Variants in IL1RAPL2 observed in about 807,000 individuals in gnomAD.
The protein encoded by IL1RAPL2 is interleukin 1 receptor accessory protein like 2.
A neutral mutation model predicts 44.1 loss-of-function variants in IL1RAPL2; 3 were observed. The ratio of observed to expected loss-of-function variants is 0.07; its 90% CI spans 0.03 to 0.18. IL1RAPL2 has a LOEUF of 0.18. Ranked by LOEUF, IL1RAPL2 falls within the 10% of genes least tolerant of loss-of-function variation. The probability of loss-of-function intolerance (pLI) is 1.00; values close to 1 mark genes in which losing one functional copy is unlikely to be tolerated. For missense variants in IL1RAPL2, 391 were observed against 496.4 expected (o/e 0.79, Z 2.02); for synonymous variants, 181 against 178.8 (o/e 1.01, Z -0.10).
rs200301679 is a variant in IL1RAPL2, at chrX:104,946,884, A to G, written c.83-248591A>G. 9.7e-4 allele frequency among the ~76,000 whole-genome samples: 92 copies of G among 94,849 alleles called. 3 individuals are homozygous for G. The East Asian group carries it at 0.016, about 16-fold the overall frequency. The allele number at this position is 94,849 out of a possible 115,157, so 82.4% of individuals were successfully genotyped here. The stretch of plus-strand genomic sequence containing the variant: ...AATGCCGCAATAAACATACGTGTGC[A>G]TGTGTCTTTATAGCAGCATGATTTA... On this transcript the variant is annotated intron_variant, in intron 2 of 10. Coordinates refer to ENST00000372582, the MANE Select transcript of IL1RAPL2 (RefSeq NM_017416.2).
At chrX:104,692,388 A>G (rs1931105520) in intron 2 of IL1RAPL2, among the ~76,000 whole-genome samples, 1 of 110,245 alleles carries the variant, frequency 9.1e-6, no homozygotes, top group Non-Finnish European at 1.9e-5. Flanking sequence ...TTTAGGGTAC[A>G]TGTGCACAAC....
chrX:105,448,053 T>C (rs1433298448), intron 5 of IL1RAPL2, among the ~76,000 whole-genome samples: 2 of 106,609 alleles, frequency 1.9e-5, no homozygotes, highest in Non-Finnish European at 3.8e-5. Context: ...ACTTTAAATA[T>C]GTCATTTCAA....
chrX:105,760,591 T>G (rs1252085157), intron 10 of IL1RAPL2, among the ~76,000 whole-genome samples: 1 of 112,236 alleles, frequency 8.9e-6, no homozygotes, highest in Non-Finnish European at 1.9e-5. Flanking sequence ...ACCGTCATGC[T>G]TCCCCACTCA....
chrX:104,830,649 A>G (rs1450090422), intron 2 of IL1RAPL2, among the ~76,000 whole-genome samples: 1 of 111,789 alleles, frequency 8.9e-6, no homozygotes, highest in East Asian at 2.8e-4. Context: ...AGAGTCAGAA[A>G]GAGTTCATAT....
chrX:104,579,156 G>A (rs1045552521), intron 1 of IL1RAPL2, among the ~76,000 whole-genome samples: 3 of 111,668 alleles, frequency 2.7e-5, no homozygotes, highest in African/African-American at 9.8e-5. Context: ...ATAGAATTAT[G>A]TATAAAGATA....
intron 2 of IL1RAPL2, among the ~76,000 whole-genome samples, chrX:104,827,487 G>A (rs764267368): frequency 9.0e-6 from 1 of 111,643 alleles, no homozygotes; most frequent in Admixed American, 9.5e-5. Context: ...TTTCCACAGA[G>A]AGATCCACTG....
At chrX:104,570,100 T>A (rs1222949085) in intron 1 of IL1RAPL2, among the ~76,000 whole-genome samples, 1 of 111,435 alleles carries the variant, frequency 9.0e-6, no homozygotes, top group Non-Finnish European at 1.9e-5. Flanking sequence ...AAGTTTGAGG[T>A]CTTCACTAAT....
chrX:104,611,665 G>A (rs1212640355), intron 1 of IL1RAPL2, among the ~76,000 whole-genome samples: 3 of 108,508 alleles, frequency 2.8e-5, no homozygotes, highest in South Asian at 4.1e-4. Flanking sequence ...GTGAAACCCC[G>A]TCTCTACTAA....
chrX:104,573,498 G>T (rs1452678947), intron 1 of IL1RAPL2, among the ~76,000 whole-genome samples: 3 of 111,890 alleles, frequency 2.7e-5, no homozygotes, highest in Non-Finnish European at 3.8e-5. Context: ...CGTTCACAAA[G>T]GTGACTGCTT....
chrX:105,632,429 T>A (rs1413956650), intron 6 of IL1RAPL2, among the ~76,000 whole-genome samples: 3 of 111,543 alleles, frequency 2.7e-5, no homozygotes, highest in Non-Finnish European at 5.7e-5. Context: ...TTTTTAAATG[T>A]TCCTCTTCTA....
intron 2 of IL1RAPL2, among the ~76,000 whole-genome samples, chrX:104,832,770 C>T (rs769890069): frequency 9.0e-6 from 1 of 111,260 alleles, no homozygotes; most frequent in African/African-American, 3.3e-5. Flanking sequence ...AATGCATTTT[C>T]TTATTACCTC....
At chrX:104,938,407 C>T (rs1483187215) in intron 2 of IL1RAPL2, among the ~76,000 whole-genome samples, 1 of 111,488 alleles carries the variant, frequency 9.0e-6, no homozygotes, top group Non-Finnish European at 1.9e-5. Flanking sequence ...ATTCTAATAG[C>T]AATTAGAGTT....
intron 6 of IL1RAPL2, among the ~76,000 whole-genome samples, chrX:105,534,373 T>A (rs956923869): frequency 7.2e-5 from 8 of 111,873 alleles, no homozygotes; most frequent in Admixed American, 2.9e-4. Context: ...ACTGTATATT[T>A]TAAAATAACT....
intron 5 of IL1RAPL2, among the ~76,000 whole-genome samples, chrX:105,392,559 C>T (rs1425950328): frequency 9.0e-6 from 1 of 111,341 alleles, no homozygotes; most frequent in Non-Finnish European, 1.9e-5. Context: ...GTACAACATG[C>T]CATAGAGCTC....
intron 5 of IL1RAPL2, chrX:105,406,255 G>A: frequency 6.4e-6 from 7 of 1,090,725 alleles, no homozygotes; most frequent in Non-Finnish European, 8.9e-6. Flanking sequence ...AAAGTGTCTG[G>A]GGAAATAAGC....
intron 3 of IL1RAPL2, among the ~76,000 whole-genome samples, chrX:105,201,256 T>G (rs2033715451): frequency 8.9e-6 from 1 of 111,873 alleles, no homozygotes; most frequent in Non-Finnish European, 1.9e-5. Context: ...GTTGAATGAT[T>G]ATTACTCCAG....
At chrX:104,919,595 A>G (rs1363327628) in intron 2 of IL1RAPL2, among the ~76,000 whole-genome samples, 1 of 99,164 alleles carries the variant, frequency 1.0e-5, no homozygotes, top group Non-Finnish European at 2.0e-5. Flanking sequence ...CAGTGGTGCG[A>G]TCTTGGCTCA....
intron 5 of IL1RAPL2, among the ~76,000 whole-genome samples, chrX:105,438,322 G>A (rs185215296): frequency 3.6e-5 from 4 of 111,434 alleles, no homozygotes; most frequent in East Asian, 2.9e-4. Context: ...TAGAAACAAG[G>A]GGATGTTTGA....
intron 5 of IL1RAPL2, among the ~76,000 whole-genome samples, chrX:105,318,634 C>T (rs1023983769): frequency 9.0e-6 from 1 of 111,038 alleles, no homozygotes; most frequent in African/African-American, 3.3e-5. Flanking sequence ...TGGTACAATA[C>T]TAGAGTCATG....
Sources: gnomAD v4.1 joint callset for allele counts (sites outside exome capture counted in the v4.1 genomes callset) on GRCh38, gnomAD v4.1.1 for gene constraint, MANE v1.5 for transcripts, NCBI Gene and HGNC (gene_info 2026-07-23, HGNC 2026-07-21) for gene names.